Variants in GRM4 observed in about 807,000 individuals in gnomAD.
The protein encoded by GRM4 is metabotropic glutamate receptor 4.
Under a neutral mutation model 81.7 loss-of-function variants are expected in GRM4, and 28 were observed. The ratio of observed to expected loss-of-function variants is 0.34; its 90% CI spans 0.25 to 0.47. The LOEUF (loss-of-function observed/expected upper bound fraction) is 0.47. Among genes scored for constraint, GRM4 ranks in the 20% least tolerant of loss-of-function variants. The probability of loss-of-function intolerance (pLI) is 1.00; values close to 1 mark genes in which losing one functional copy is unlikely to be tolerated. For synonymous variants in GRM4, 488 were observed against 528.8 expected (o/e 0.92, Z 1.06); for missense variants, 948 against 1,290.0 (o/e 0.73, Z 4.06).
intron 3 of GRM4, among the ~76,000 whole-genome samples, chr6:34,086,706 C>T (rs373761114): frequency 1.2e-4 from 19 of 152,334 alleles, no homozygotes; most frequent in Admixed American, 4.6e-4. Flanking sequence ...TCAAATCCTG[C>T]CCCTGCCACT....
intron 8 of GRM4, among the ~76,000 whole-genome samples, chr6:34,038,222 G>A (rs1005640129): frequency 2.0e-5 from 3 of 152,240 alleles, no homozygotes; most frequent in Non-Finnish European, 2.9e-5. Flanking sequence ...CTGGCTGTGC[G>A]TCCTTGAGCA....
chr6:34,036,516 T>C lies in GRM4; in HGVS notation c.1594A>G (p.Thr532Ala), dbSNP rs139132123. 1,582 of 1,612,354 alleles carry C rather than the reference T, an allele frequency of 9.8e-4. 1 individual carries two copies. The highest frequency in any genetic ancestry group is 1.2e-3 in the Non-Finnish European group (1,427 of 1,179,418). ...CAGCAGCAAGGCATGCCCTTCACTGTCTTCTTCCGCTCACCCGGTTGGCAG... is the reference window on the plus strand; with the variant it reads ...CAGCAGCAAGGCATGCCCTTCACTGCCTTCTTCCGCTCACCCGGTTGGCAG... ...LPCQPGERKK[T>A]VKGMPCCWHC... The change falls in exon 9 of 11, where the codon ACA (threonine) becomes GCA (alanine). Residue 532 changes from threonine to alanine, a missense_variant. Physicochemically the swap from Thr to Ala is moderately conservative, Grantham distance 58. Coordinates refer to ENST00000538487, the MANE Select transcript of GRM4 (RefSeq NM_000841.4). The surrounding 1 kb of genome is among the most constrained non-coding windows in gnomAD (Gnocchi z 9.0).
rs186995320 is a variant in GRM4, at chr6:34,092,671, G to A, written c.520-572C>T. ...TGGAAGCCCAGGAAGCTAGTGGGGT[G>A]GGCTTCAGGAATTCCCTTCTCTCTG... On this transcript the variant is annotated intron_variant, in intron 2 of 10. Coordinates refer to ENST00000538487, the MANE Select transcript of GRM4 (RefSeq NM_000841.4). The surrounding 1 kb of genome is among the most constrained non-coding windows in gnomAD (Gnocchi z 6.8). 5.5e-4 allele frequency among the ~76,000 whole-genome samples: 84 copies of A among 152,248 alleles called. 3 individuals carry two copies. The East Asian group carries it at 0.014, about 25-fold the overall frequency.
chr6:34,121,299 C>G lies in GRM4; in HGVS notation c.519+11679G>C, dbSNP rs1284534366. ...TAAGGGTTGTTCTCTTCCAGCTGCT[C>G]TGCTGTGGGGACCTCACTGGACTCC... On this transcript the variant is annotated intron_variant, in intron 2 of 10. Coordinates refer to ENST00000538487, the MANE Select transcript of GRM4 (RefSeq NM_000841.4). The surrounding 1 kb of genome is among the most constrained non-coding windows in gnomAD (Gnocchi z 4.6). Among the ~76,000 whole-genome samples the G allele has an allele frequency of 6.6e-6, 1 of 152,204 alleles. No individual in the cohort carries two copies. Among genetic ancestry groups the G allele is most frequent in the Non-Finnish European group, 1.5e-5 (1 of 68,038 alleles).
intron 2 of GRM4, among the ~76,000 whole-genome samples, chr6:34,124,180 C>A (rs1769926530): frequency 1.3e-5 from 2 of 152,200 alleles, no homozygotes; most frequent in Non-Finnish European, 2.9e-5. Flanking sequence ...GATCCCCGGA[C>A]TGTCTCGGAC....
upstream of GRM4, among the ~76,000 whole-genome samples, chr6:34,149,298 C>T (rs1771001088): frequency 6.6e-6 from 1 of 152,200 alleles, no homozygotes; most frequent in Non-Finnish European, 1.5e-5. Flanking sequence ...TTGAGCTGAC[C>T]CAGCCATCAC....
intron 2 of GRM4, among the ~76,000 whole-genome samples, chr6:34,117,006 G>A (rs988501811): frequency 2.0e-5 from 3 of 152,198 alleles, no homozygotes; most frequent in Non-Finnish European, 4.4e-5. Context: ...ATTATCCTTG[G>A]GGAGGAAAGG....
Position 34,028,386 on chromosome 6 carries a change from C to T in GRM4, c.2443-20G>A, listed in dbSNP as rs768904618. 12 of 1,603,592 alleles carry T rather than the reference C, an allele frequency of 7.5e-6. No individual in the cohort carries two copies. Among genetic ancestry groups the T allele is most frequent in the African/African-American group, 6.7e-5 (5 of 74,812 alleles). Reference sequence around the variant, plus strand: ...GTACAGCTGGCGGAGGGCACGGTGGCGTCAGAGCAGGCTCTGCCCCGACTG... The same window carrying T: ...GTACAGCTGGCGGAGGGCACGGTGGTGTCAGAGCAGGCTCTGCCCCGACTG... On this transcript the variant is annotated intron_variant, in intron 9 of 10. Coordinates refer to ENST00000538487, the MANE Select transcript of GRM4 (RefSeq NM_000841.4).
intron 6 of GRM4, among the ~76,000 whole-genome samples, chr6:34,046,469 G>A (rs1474299178): frequency 6.6e-6 from 1 of 152,222 alleles, no homozygotes; most frequent in Non-Finnish European, 1.5e-5. Flanking sequence ...ATGCCCGGAA[G>A]CATGAGGAGG....
chr6:34,020,249 C>G lies in GRM4; in HGVS notation c.*2572G>C, dbSNP rs1031947414. 2.6e-5 allele frequency: 4 copies of G among 152,350 alleles called. No individual in the cohort carries two copies. Among genetic ancestry groups the G allele is most frequent in the East Asian group, 1.9e-4 (1 of 5,182 alleles). The allele number at this position is 152,350 out of a possible 1,614,324, so 9.4% of individuals were successfully genotyped here. On this transcript the variant is annotated 3_prime_UTR_variant, in exon 11 of 11. Transcript: ENST00000538487. ...GTCCCTGAGGGCCCCTCCTGAGAGC[C>G]AAGGGGAGCCGAGGGGCAGCATCCC...
intron 6 of GRM4, among the ~76,000 whole-genome samples, chr6:34,053,994 G>T (rs1008967207): frequency 6.6e-6 from 1 of 152,096 alleles, no homozygotes. Flanking sequence ...GCACCTCCAG[G>T]CTTTACAGCT....
rs190577764 is a variant in GRM4 at position 34,124,886 on chromosome 6, G to A, written c.519+8092C>T. ...CACCTCAGCCCTTCCATAATGCCAT[G>A]CATCACATCCAGAGGCCCCATCAGC... is the stretch of plus-strand genomic sequence containing the variant. On this transcript the variant is annotated intron_variant, in intron 2 of 10. Coordinates refer to ENST00000538487, the MANE Select transcript of GRM4 (RefSeq NM_000841.4). 5.3e-5 allele frequency among the ~76,000 whole-genome samples: 8 copies of A among 152,160 alleles called. No individual in the cohort carries two copies. The East Asian group carries it at 1.5e-3, about 29-fold the overall frequency.
chr6:34,052,917 C>T (rs144132653), intron 6 of GRM4, among the ~76,000 whole-genome samples: 20 of 152,314 alleles, frequency 1.3e-4, no homozygotes, highest in African/African-American at 4.6e-4. Flanking sequence ...TCTATACTAC[C>T]CACCTTCAGG....
At chr6:34,144,441 C>CCCGGGGAGGGACGGTCCCGAGTGT (rs1770832743) in intron 1 of GRM4, among the ~76,000 whole-genome samples, 2 of 152,234 alleles carry the variant, frequency 1.3e-5, no homozygotes, top group African/African-American at 4.8e-5. Flanking sequence ...TCATCACGGT[C>CCCGGGGAGGGACGGTCCCGAGTGT]CCGGGGAGGG....
chr6:34,103,976 C>T (rs1293652553), intron 2 of GRM4: 1 of 558,366 alleles, frequency 1.8e-6, no homozygotes, highest in Non-Finnish European at 2.6e-6. Flanking sequence ...GGCTCATGCA[C>T]AGCCTCCCTT....
chr6:34,126,871 C>T (rs997395949), intron 2 of GRM4, among the ~76,000 whole-genome samples: 14 of 152,364 alleles, frequency 9.2e-5, no homozygotes, highest in African/African-American at 3.1e-4. Context: ...GGGGCCAGCT[C>T]TGTCTCTGTC....
At position 34,080,828 on chromosome 6, in the gene GRM4, TCTCA is replaced by T. The variant is rs1338503477; in HGVS notation, c.736+11051_736+11054del. 2.1e-5 allele frequency among the ~76,000 whole-genome samples: 3 copies of T among 141,768 alleles called. No individual in the cohort carries two copies. The highest frequency in any genetic ancestry group is 1.5e-5 in the Non-Finnish European group (1 of 65,020). The allele number at this position is 141,768 out of a possible 152,430, so 93.0% of individuals were successfully genotyped here. On this transcript the variant is annotated intron_variant, in intron 3 of 10. Coordinates refer to ENST00000538487, the MANE Select transcript of GRM4 (RefSeq NM_000841.4). The surrounding 1 kb of genome is among the most constrained non-coding windows in gnomAD (Gnocchi z 5.4). ...TCCACTTCTCTCTTCTCTCTCTCTCTCTCACACACACACACACATACACACACAC... is the reference window on the plus strand; with the variant it reads ...TCCACTTCTCTCTTCTCTCTCTCTCTCACACACACACACATACACACACAC...
chr6:34,096,707 C>T (rs372007957), intron 2 of GRM4, among the ~76,000 whole-genome samples: 9 of 152,228 alleles, frequency 5.9e-5, no homozygotes, highest in Admixed American at 2.6e-4. Flanking sequence ...TGGAGTGACA[C>T]GCAGTGTGCC....
At chr6:34,067,226 T>A (rs1234492946) in intron 3 of GRM4, among the ~76,000 whole-genome samples, 2 of 152,202 alleles carry the variant, frequency 1.3e-5, no homozygotes, top group Non-Finnish European at 2.9e-5. Context: ...CCTTTCCATC[T>A]GTGGTCTGGT....
Sources: gnomAD v4.1 joint callset for allele counts (sites outside exome capture counted in the v4.1 genomes callset) on GRCh38, gnomAD v4.1.1 for gene constraint, Gnocchi (gnomAD v3.1) non-coding constraint, MANE v1.5 for transcripts, NCBI Gene and HGNC (gene_info 2026-07-23, HGNC 2026-07-21) for gene names.